MBD5: variants seen among roughly 807,000 people sequenced by gnomAD.
MBD5 encodes the protein methyl-CpG binding domain protein 5, also known as methyl-CpG-binding domain protein 5.
A neutral mutation model predicts 117.3 loss-of-function variants in MBD5; 13 were observed. The ratio of observed to expected loss-of-function variants is 0.11; its 90% CI spans 0.07 to 0.18. The LOEUF is 0.18. MBD5 is among the 10% of genes least tolerant of loss of function. The pLI, the probability that MBD5 is intolerant of heterozygous loss-of-function variation, is 1.00. For missense variants in MBD5, 1,879 were observed against 2,093.8 expected (o/e 0.90, Z 2.00); for synonymous variants, 727 against 766.4 (o/e 0.95, Z 0.85).
intron 4 of MBD5, among the ~76,000 whole-genome samples, chr2:148,377,069 T>C (rs1704012730): frequency 6.6e-6 from 1 of 151,168 alleles, no homozygotes; most frequent in African/African-American, 2.4e-5. Context: ...GTTCTCTCCC[T>C]ATATATATAA....
intron 4 of MBD5, among the ~76,000 whole-genome samples, chr2:148,419,356 T>G (rs1012769711): frequency 6.6e-6 from 1 of 152,138 alleles, no homozygotes; most frequent in Non-Finnish European, 1.5e-5. Flanking sequence ...CCATCGTAAA[T>G]ATGACACAAA....
In MBD5 at chr2:148,469,988, A is replaced by G. The variant is rs1680739624; in HGVS notation, c.2045A>G (p.Lys682Arg). 1.2e-6 allele frequency: 2 copies of G among 1,613,730 alleles called. No individual in the cohort carries two copies. The highest frequency in any genetic ancestry group is 8.5e-7 in the Non-Finnish European group (1 of 1,179,846). Residue 682 changes from lysine to arginine, a missense_variant, in exon 8 of 14, where the codon AAA (lysine) becomes AGA (arginine). Coordinates refer to ENST00000642680, the MANE Select transcript of MBD5 (RefSeq NM_001378120.1). ...CAAATGGATAGTTCTGCAGTTCCTA[A>G]ACCTGGACCTGACTTGCTAAGGAAG... ...QSQMDSSAVP[K>R]PGPDLLRKQG...
At chr2:148,235,764 C>A (rs891973605) in intron 3 of MBD5, among the ~76,000 whole-genome samples, 8 of 149,820 alleles carry the variant, frequency 5.3e-5, no homozygotes, top group Admixed American at 2.7e-4. Flanking sequence ...AATGCACATG[C>A]CTTAATTTTA....
intron 1 of MBD5, among the ~76,000 whole-genome samples, chr2:148,163,873 T>C (rs1269402176): frequency 6.6e-6 from 1 of 152,194 alleles, no homozygotes; most frequent in African/African-American, 2.4e-5. Context: ...TAAAAAGTGG[T>C]TGACATATGT....
chr2:148,143,281 G>T (rs1697362353), intron 1 of MBD5, among the ~76,000 whole-genome samples: 1 of 152,110 alleles, frequency 6.6e-6, no homozygotes, highest in Admixed American at 6.6e-5. Context: ...ACTATGTTAA[G>T]TGAAGGTATA....
chr2:148,093,902 A>T (rs1212110709), intron 1 of MBD5, among the ~76,000 whole-genome samples: 1 of 152,212 alleles, frequency 6.6e-6, no homozygotes. Context: ...TATTACAAGA[A>T]CTACTTATTA....
intron 1 of MBD5, among the ~76,000 whole-genome samples, chr2:148,171,419 A>G (rs1411045622): frequency 6.6e-6 from 1 of 152,224 alleles, no homozygotes; most frequent in East Asian, 1.9e-4. Flanking sequence ...ACTTGACAAA[A>G]TTCAACATCC....
intron 3 of MBD5, among the ~76,000 whole-genome samples, chr2:148,249,183 T>A (rs1321761466): frequency 1.3e-5 from 2 of 152,162 alleles, no homozygotes; most frequent in Admixed American, 6.5e-5. Context: ...AAAAGACAAG[T>A]TGCAAATTAG....
intron 2 of MBD5, chr2:148,196,355 G>A (rs1698987933): frequency 6.6e-6 from 1 of 151,980 alleles, no homozygotes; most frequent in East Asian, 1.9e-4. Context: ...GTAATTAGAA[G>A]TAGCTATTTT....
intron 1 of MBD5, among the ~76,000 whole-genome samples, chr2:148,077,219 T>G (rs1261251889): frequency 6.6e-6 from 1 of 152,214 alleles, no homozygotes; most frequent in Non-Finnish European, 1.5e-5. Flanking sequence ...TAGTGTGCCT[T>G]TTGTTTAATC....
At chr2:148,388,962 T>C (rs112481724) in intron 4 of MBD5, among the ~76,000 whole-genome samples, 1,522 of 151,784 alleles carry the variant, frequency 0.01, 9 homozygotes, top group Non-Finnish European at 0.016. Flanking sequence ...CAATAGGTAG[T>C]TTTTCAACTC....
intron 1 of MBD5, among the ~76,000 whole-genome samples, chr2:148,106,245 G>A (rs1027829612): frequency 4.6e-5 from 7 of 151,762 alleles, no homozygotes; most frequent in Non-Finnish European, 1.0e-4. Context: ...TGGGGTGTTC[G>A]TGTAGTTCTT....
At chr2:148,336,344 A>G (rs563900820) in intron 3 of MBD5, among the ~76,000 whole-genome samples, 1 of 152,314 alleles carries the variant, frequency 6.6e-6, no homozygotes, top group African/African-American at 2.4e-5. Flanking sequence ...GTTTTAAACT[A>G]AGATTCTACC....
At chr2:148,234,694 A>C (rs1026994068) in intron 3 of MBD5, among the ~76,000 whole-genome samples, 2 of 152,150 alleles carry the variant, frequency 1.3e-5, no homozygotes, top group African/African-American at 4.8e-5. Flanking sequence ...TTCTATTTCT[A>C]AGGATCTTCA....
intron 1 of MBD5, among the ~76,000 whole-genome samples, chr2:148,106,740 CAT>C (rs1279092109): frequency 6.6e-6 from 1 of 152,052 alleles, no homozygotes; most frequent in Admixed American, 6.5e-5. Context: ...GAAATGGTAT[CAT>C]GTGTACTTTT....
intron 1 of MBD5, among the ~76,000 whole-genome samples, chr2:148,081,775 C>T (rs1366602885): frequency 3.9e-5 from 6 of 152,140 alleles, no homozygotes; most frequent in African/African-American, 1.4e-4. Context: ...GTCTACCTTT[C>T]TTTGTTCCTT....
chr2:148,123,989 A>C (rs1696829090), intron 1 of MBD5, among the ~76,000 whole-genome samples: 1 of 152,210 alleles, frequency 6.6e-6, no homozygotes, highest in South Asian at 2.1e-4. Flanking sequence ...TGTGTTGTTA[A>C]AAAATCACTG....
intron 3 of MBD5, among the ~76,000 whole-genome samples, chr2:148,340,837 TACACAC>T (rs141965837): frequency 0.011 from 1,525 of 142,512 alleles, 8 homozygotes; most frequent in Admixed American, 0.024. Flanking sequence ...AAACCACACA[TACACAC>T]ACACACACAC....
intron 1 of MBD5, among the ~76,000 whole-genome samples, chr2:148,142,873 T>C (rs1697352390): frequency 6.6e-6 from 1 of 152,124 alleles, no homozygotes; most frequent in African/African-American, 2.4e-5. Context: ...ACTAGGTGAT[T>C]GAAAAAATAA....
Sources: gnomAD v4.1 joint callset for allele counts (sites outside exome capture counted in the v4.1 genomes callset) on GRCh38, gnomAD v4.1.1 for gene constraint, MANE v1.5 for transcripts, NCBI Gene and HGNC (gene_info 2026-07-23, HGNC 2026-07-21) for gene names.